FOCAD: variants seen among roughly 807,000 people sequenced by gnomAD.
FOCAD encodes KIAA1797.
In FOCAD, 198 loss-of-function variants were observed where a neutral mutation model predicts 225.6. That is an observed-to-expected ratio of 0.88 (90% CI 0.78 to 0.99). The LOEUF is 0.99. Ranked by LOEUF, FOCAD falls within the 50% of genes least tolerant of loss-of-function variation. The probability of loss-of-function intolerance (pLI) is 0.00; values close to 1 mark genes in which losing one functional copy is unlikely to be tolerated. For synonymous variants in FOCAD, 897 were observed against 755.0 expected, an observed-to-expected ratio of 1.19 and a Z score of -3.08; for missense variants, 2,713 against 2,123.6, an observed-to-expected ratio of 1.28 and a Z score of -5.46.
Position 20,912,972 on chromosome 9 carries a change from G to T in FOCAD, c.2807+18G>T. On this transcript the variant is annotated intron_variant, in intron 23 of 43. Transcript: ENST00000338382. ...TGGCTCTGGTAAGTGTTCATGTTCA[G>T]CTGCCCATTATTTGTCATGGGAAGT... 6.3e-7 allele frequency: 1 copy of T among 1,598,736 alleles called. No individual in the cohort carries two copies. Among genetic ancestry groups the T allele is most frequent in the Non-Finnish European group, 8.6e-7 (1 of 1,167,376 alleles).
chr9:20,721,131 G>C (rs879382530), intron 4 of FOCAD, among the ~76,000 whole-genome samples: 2 of 152,134 alleles, frequency 1.3e-5, no homozygotes, highest in Admixed American at 1.3e-4. Context: ...GACCATGTTT[G>C]AACCAGTGAG....
At chr9:20,932,900 T>TA (rs1835615974) in intron 27 of FOCAD, 114 bp from the exon 28 acceptor site, 1 of 737,158 alleles carries the variant, frequency 1.4e-6, no homozygotes, top group Non-Finnish European at 2.2e-6. Flanking sequence ...CTTTTTTTTT[T>TA]AAGAGAAATG....
At chr9:20,897,818 T>G (rs1832224558) in intron 21 of FOCAD, among the ~76,000 whole-genome samples, 1 of 151,862 alleles carries the variant, frequency 6.6e-6, no homozygotes, top group Admixed American at 6.6e-5. Context: ...TCATGTTCAC[T>G]TATCCCTCCT....
At chr9:20,990,687 C>T (rs1250401737) in intron 42 of FOCAD, among the ~76,000 whole-genome samples, 1 of 152,108 alleles carries the variant, frequency 6.6e-6, no homozygotes, top group Non-Finnish European at 1.5e-5. Flanking sequence ...TGTCTCAGAG[C>T]TCAGAATCTC....
chr9:20,778,165 A>G (rs1818982960), intron 8 of FOCAD, among the ~76,000 whole-genome samples: 1 of 150,828 alleles, frequency 6.6e-6, no homozygotes, highest in African/African-American at 2.4e-5. Context: ...TTTCCTCTGA[A>G]TTATTTGGTT....
intron 8 of FOCAD, among the ~76,000 whole-genome samples, chr9:20,777,304 G>GTTTTTT (rs35710134): frequency 9.0e-6 from 1 of 110,866 alleles, no homozygotes; most frequent in African/African-American, 3.4e-5. Context: ...TTTCCTGTGG[G>GTTTTTT]TTTTTTTTTT....
At position 20,986,266 on chromosome 9, in the gene FOCAD, A is replaced by ATTTTTTTTTGTTTTTTTTTTTT; in HGVS notation, c.4729-13_4729-12insGTTTTTTTTTTTTTTTTTTTTT. Reference sequence around the variant, plus strand: ...CAGTTAATTTAATAGTAACTAAACAATTTTTTTTTTTTTTTTTGCAGAGCA... The same window carrying ATTTTTTTTTGTTTTTTTTTTTT: ...CAGTTAATTTAATAGTAACTAAACAATTTTTTTTTGTTTTTTTTTTTTTTTTTTTTTTTTTTTTTGCAGAGCA... On this transcript the variant is annotated intron_variant, in intron 39 of 43. Transcript: ENST00000338382. 4.3e-6 allele frequency: 3 copies of ATTTTTTTTTGTTTTTTTTTTTT among 705,686 alleles called. 1 individual carries two copies. Among genetic ancestry groups the ATTTTTTTTTGTTTTTTTTTTTT allele is most frequent in the Non-Finnish European group, 5.4e-6 (3 of 559,468 alleles). 43.7% of individuals were successfully genotyped at this position (705,686 alleles called of 1,614,324 possible).
At chr9:20,929,195 A>C (rs933544339) in intron 26 of FOCAD, 163 bp from the exon 27 acceptor site, 12 of 571,362 alleles carry the variant, frequency 2.1e-5, no homozygotes, top group Non-Finnish European at 2.8e-5. Context: ...ATGAAAACAT[A>C]ATCTATAGAC....
chr9:20,765,217 A>T, intron 7 of FOCAD, 144 bp downstream of exon 7: 1 of 622,172 alleles, frequency 1.6e-6, no homozygotes, highest in Non-Finnish European at 2.7e-6. Context: ...TCTTTTGGGG[A>T]AGATGAAAGA....
intron 18 of FOCAD, among the ~76,000 whole-genome samples, chr9:20,868,286 C>A (rs1829464427): frequency 6.6e-6 from 1 of 152,122 alleles, no homozygotes; most frequent in Non-Finnish European, 1.5e-5. Flanking sequence ...GGCAATTATT[C>A]ATTTAAATCA....
At chr9:20,708,174 C>T (rs1305173350) in intron 1 of FOCAD, among the ~76,000 whole-genome samples, 1 of 151,984 alleles carries the variant, frequency 6.6e-6, no homozygotes, top group Non-Finnish European at 1.5e-5. Flanking sequence ...ATTGATAGTG[C>T]CCATCAGCTT....
chr9:20,982,172 A>C (rs1737814419), intron 38 of FOCAD, among the ~76,000 whole-genome samples, 185 bp from the exon 39 acceptor site: 1 of 152,222 alleles, frequency 6.6e-6, no homozygotes, highest in East Asian at 1.9e-4. Context: ...CAAAACAAAA[A>C]AACACAAAGT....
chr9:20,752,092 C>T (rs1828608336), intron 5 of FOCAD, among the ~76,000 whole-genome samples: 1 of 145,402 alleles, frequency 6.9e-6, no homozygotes, highest in South Asian at 2.2e-4. Flanking sequence ...TGAAAATTTT[C>T]TCCCATTTTG....
chr9:20,683,538 GC>G (rs1168746828), upstream of FOCAD: 1 of 151,782 alleles, frequency 6.6e-6, no homozygotes, highest in Non-Finnish European at 1.5e-5. Flanking sequence ...TCACGTGGGA[GC>G]CCCTGCCCCG....
chr9:20,768,569 A>G (rs1350154097), intron 7 of FOCAD, among the ~76,000 whole-genome samples: 1 of 151,782 alleles, frequency 6.6e-6, no homozygotes, highest in East Asian at 1.9e-4. Flanking sequence ...ATTCCTAGGT[A>G]TTTTATTCTC....
At chr9:20,719,331 C>T (rs1825596621) in intron 3 of FOCAD, among the ~76,000 whole-genome samples, 1 of 152,218 alleles carries the variant, frequency 6.6e-6, no homozygotes, top group East Asian at 1.9e-4. Flanking sequence ...GATCCACCCG[C>T]CTTGGCCTCC....
chr9:20,874,950 C>A, intron 19 of FOCAD, 143 bp downstream of exon 19: 1 of 1,032,178 alleles, frequency 9.7e-7, no homozygotes, highest in Non-Finnish European at 1.5e-6. Flanking sequence ...CCCATCTGTT[C>A]TATTGAAACA....
intron 6 of FOCAD, among the ~76,000 whole-genome samples, chr9:20,760,678 G>T (rs1459274614): frequency 1.3e-5 from 2 of 152,066 alleles, no homozygotes; most frequent in South Asian, 2.1e-4. Flanking sequence ...CTCTTGCATG[G>T]TTACATAATA....
chr9:20,846,325 G>A (rs778575643), intron 15 of FOCAD, among the ~76,000 whole-genome samples: 1 of 152,060 alleles, frequency 6.6e-6, no homozygotes, highest in Non-Finnish European at 1.5e-5. Context: ...GGGAACTTCC[G>A]AATGTCCTTT....
Sources: allele counts gnomAD v4.1 joint callset (sites outside exome capture counted in the v4.1 genomes callset), GRCh38; gene constraint gnomAD v4.1.1; transcripts MANE v1.5; gene names NCBI Gene and HGNC (gene_info 2026-07-23, HGNC 2026-07-21).